Variants in NAV1 observed in about 807,000 individuals in gnomAD.
The protein encoded by NAV1 is pore membrane and/or filament interacting like protein 3.
NAV1 carries 18 observed loss-of-function variants against 175.2 expected under a neutral mutation model. The ratio of observed to expected loss-of-function variants is 0.10; its 90% CI spans 0.07 to 0.15. The LOEUF (loss-of-function observed/expected upper bound fraction) is 0.15, where lower values mean the gene tolerates loss of function less well. Ranked by LOEUF, NAV1 falls within the 10% of genes least tolerant of loss-of-function variation. The pLI, the probability that NAV1 is intolerant of heterozygous loss-of-function variation, is 1.00. For synonymous variants in NAV1, 897 were observed against 978.7 expected (o/e 0.92, Z 1.56); for missense variants, 1,731 against 2,436.6 (o/e 0.71, Z 6.10).
At position 201,718,731 on chromosome 1, in the gene NAV1, C is replaced by A; in HGVS notation, c.1202C>A (p.Thr401Lys). 6.2e-7 allele frequency: 1 copy of A among 1,611,866 alleles called. No homozygotes were observed. Among genetic ancestry groups the A allele is most frequent in the Non-Finnish European group, 8.5e-7 (1 of 1,178,272 alleles). The stretch of plus-strand genomic sequence containing the variant: ...AGTGACCTCATGGGCAAGACCATGA[C>A]GGAGGATGATGACATCACTACCGGG... The change falls in exon 3 of 30, where the codon ACG becomes AAG. Residue 401 changes from threonine (T) to lysine (K), a missense_variant. Thr to Lys is a moderately conservative substitution (Grantham distance 78). Around this residue, in one of 13 missense-constraint regions of NAV1, gnomAD observed 487 missense variants for 581.3 expected, o/e 0.84. Coordinates refer to ENST00000367296, the Ensembl canonical transcript of NAV1. This position sits in a 1 kb window ranked among gnomAD's most constrained non-coding sequence, Gnocchi z 4.8.
At chr1:201,786,302 TCC>T in intron 8 of NAV1, 125 bp from the exon 13 acceptor site, 1 of 975,870 alleles carries the variant, frequency 1.0e-6, no homozygotes, top group Non-Finnish European at 1.5e-6. Context: ...CCCTGACCAC[TCC>T]CTCTTTTCCA....
exon 1 of NAV1, chr1:201,623,515 C>T: frequency 2.0e-6 from 2 of 986,158 alleles, no homozygotes; most frequent in Non-Finnish European, 2.4e-6. Context: ...GCAGGGCAAG[C>T]GCCCCTCTCC....
At chr1:201,665,352 C>G in intron 1 of NAV1, among the ~76,000 whole-genome samples, 1 of 152,102 alleles carries the variant, frequency 6.6e-6, no homozygotes, top group East Asian at 1.9e-4. Context: ...ATTGTGCCTC[C>G]AACAGTGTCA....
chr1:201,688,366 A>G (rs920559504), intron 1 of NAV1: 2 of 152,206 alleles, frequency 1.3e-5, no homozygotes, highest in Non-Finnish European at 2.9e-5. Flanking sequence ...CCCTACTCCC[A>G]TGGAATCAAG....
chr1:201,652,610 C>T (rs760847059), intron 1 of NAV1, among the ~76,000 whole-genome samples: 1 of 151,434 alleles, frequency 6.6e-6, no homozygotes, highest in Non-Finnish European at 1.5e-5. Flanking sequence ...CCTGAGTTCT[C>T]TGTGTAGAAG....
At chr1:201,623,024 C>T in exon 1 of NAV1, 4 of 986,092 alleles carry the variant, frequency 4.1e-6, no homozygotes, top group Non-Finnish European at 4.8e-6. Context: ...GCCGGCCTGG[C>T]CCTGAGCCCA....
intron 2 of NAV1, among the ~76,000 whole-genome samples, chr1:201,594,545 C>A (rs1294519106): frequency 6.6e-6 from 1 of 152,222 alleles, no homozygotes; most frequent in Non-Finnish European, 1.5e-5. Context: ...CATAAACTCT[C>A]TATCAGCATA....
At chr1:201,798,852 G>C (rs1677644664) in intron 15 of NAV1, among the ~76,000 whole-genome samples, 1 of 151,636 alleles carries the variant, frequency 6.6e-6, no homozygotes, top group African/African-American at 2.4e-5. Context: ...ACAGGTGTGT[G>C]CCACCATGCC....
In NAV1 at chr1:201,718,420, T is replaced by C. The variant is rs373134511; in HGVS notation, c.891T>C (p.Asp297=). The change falls in exon 3 of 30, where the codon GAT becomes GAC. Residue 297 remains aspartate (D), a synonymous_variant. Coordinates refer to ENST00000367296, the Ensembl canonical transcript of NAV1. The surrounding 1 kb of genome is among the most constrained non-coding windows in gnomAD (Gnocchi z 4.8). ...TGGAGATGACCTGCTACGACAGCGA[T>C]GATGCCAACCCACGCAGCGTGTCCA... The C allele has an allele frequency of 5.8e-6, 9 of 1,546,834 alleles. No homozygotes were observed. The South Asian group carries it at 9.9e-5, about 17-fold the overall frequency.
At chr1:201,624,418 A>G (rs1179439930) in intron 1 of NAV1, among the ~76,000 whole-genome samples, 1 of 131,048 alleles carries the variant, frequency 7.6e-6, no homozygotes, top group East Asian at 2.2e-4. Flanking sequence ...ATCTCGGCTC[A>G]CTGCAACCTC....
At chr1:201,608,839 A>G (rs1286148163) in intron 2 of NAV1, among the ~76,000 whole-genome samples, 1 of 152,180 alleles carries the variant, frequency 6.6e-6, no homozygotes, top group African/African-American at 2.4e-5. Context: ...TGCCGAGATC[A>G]GGGAGTCACC....
At chr1:201,658,865 C>T (rs147277632) in intron 1 of NAV1, among the ~76,000 whole-genome samples, 87 of 152,372 alleles carry the variant, frequency 5.7e-4, no homozygotes, top group African/African-American at 2.0e-3. Flanking sequence ...CTCCTTCAGC[C>T]TCCATGCCCA....
intron 1 of NAV1, among the ~76,000 whole-genome samples, chr1:201,543,646 A>G (rs1665582284): frequency 6.6e-6 from 1 of 152,230 alleles, no homozygotes; most frequent in African/African-American, 2.4e-5. Context: ...TTAAACATCT[A>G]ACAATTATAT....
intron 3 of NAV1, among the ~76,000 whole-genome samples, chr1:201,746,742 T>C (rs1467043632): frequency 6.6e-6 from 1 of 152,152 alleles, no homozygotes; most frequent in African/African-American, 2.4e-5. Context: ...GTCTCGTGCC[T>C]GTAATCCCAG....
At chr1:201,634,538 T>C (rs188316724) in intron 2 of NAV1, among the ~76,000 whole-genome samples, 2 of 152,250 alleles carry the variant, frequency 1.3e-5, no homozygotes, top group East Asian at 1.9e-4. Flanking sequence ...GGAGGGGCTA[T>C]GAAGGAAGAG....
At position 201,616,007 on chromosome 1, in the gene NAV1, GT is replaced by G. The variant is rs141764383; in HGVS notation, c.-32-6836del. On this transcript the variant is annotated intron_variant, in intron 2 of 33. Transcript: ENST00000685211. ...GATGGAGGGACACTTGAAAAAGAAG[GT>G]TTTTTTTTTGTCTCTGTGATCATAA... Among the ~76,000 whole-genome samples, 573 of 148,680 alleles carry G rather than the reference GT, an allele frequency of 3.9e-3. 6 individuals carry two copies. The highest frequency in any genetic ancestry group is 0.038 in the East Asian group (193 of 5,050).
At position 201,607,967 on chromosome 1, in the gene NAV1, T is replaced by C. The variant is rs1173668451; in HGVS notation, c.-32-14886T>C. On this transcript the variant is annotated intron_variant, in intron 2 of 33. Transcript: ENST00000685211. ...CCCAAAACCTACAAATGCTAATAAT[T>C]GACTTAGTGGGGTGATAACTTGATA... is the stretch of plus-strand genomic sequence containing the variant. Among the ~76,000 whole-genome samples, 3 of 149,964 alleles carry C rather than the reference T, an allele frequency of 2.0e-5. No individual in the cohort carries two copies. In the East Asian group the frequency reaches 5.9e-4, roughly 30 times the overall value.
At chr1:201,615,243 A>ATTTCTTTC (rs754631805) in intron 2 of NAV1, among the ~76,000 whole-genome samples, 4 of 148,366 alleles carry the variant, frequency 2.7e-5, no homozygotes, top group Non-Finnish European at 4.4e-5. Flanking sequence ...AATTTCTGCC[A>ATTTCTTTC]TTTCTTTCTT....
At chr1:201,715,296 G>T (rs1672093400) in intron 2 of NAV1, among the ~76,000 whole-genome samples, 1 of 151,928 alleles carries the variant, frequency 6.6e-6, no homozygotes, top group Non-Finnish European at 1.5e-5. Context: ...AAGTAGCTGG[G>T]ACTACAGGTG....
Sources: gnomAD v4.1 joint callset for allele counts (sites outside exome capture counted in the v4.1 genomes callset) on GRCh38, gnomAD v4.1.1 for gene constraint, gnomAD v4.1.1 regional missense constraint, Gnocchi (gnomAD v3.1) non-coding constraint, MANE v1.5 for transcripts, NCBI Gene and HGNC (gene_info 2026-07-23, HGNC 2026-07-21) for gene names.